The following AP2B1 variants were observed in gnomAD, a reference collection of about 807,000 sequenced individuals.
The protein encoded by AP2B1 is AP-2 complex subunit beta.
A neutral mutation model predicts 102.0 loss-of-function variants in AP2B1; 23 were observed. The ratio of observed to expected loss-of-function variants is 0.23; its 90% confidence interval spans 0.16 to 0.32. AP2B1 has a LOEUF of 0.32. Among genes scored for constraint, AP2B1 ranks in the 10% least tolerant of loss-of-function variants. The pLI is 1.00. For missense variants in AP2B1, 541 were observed against 1,157.4 expected (o/e 0.47, Z 7.73); for synonymous variants, 381 against 421.2 (o/e 0.90, Z 1.17).
intron 21 of AP2B1, among the ~76,000 whole-genome samples, chr17:35,719,037 G>A (rs2085274337): frequency 6.6e-6 from 1 of 151,962 alleles, no homozygotes; most frequent in South Asian, 2.1e-4. Flanking sequence ...AACATAGTTT[G>A]TTAAAATTTT....
At chr17:35,616,500 A>C (rs1031112281) in intron 5 of AP2B1, among the ~76,000 whole-genome samples, 3 of 152,134 alleles carry the variant, frequency 2.0e-5, no homozygotes, top group Admixed American at 2.0e-4. Flanking sequence ...AACAATTTTA[A>C]ATTTACAGAA....
chr17:35,618,545 A>T (rs1361749990), intron 5 of AP2B1, among the ~76,000 whole-genome samples: 1 of 152,336 alleles, frequency 6.6e-6, no homozygotes, highest in South Asian at 2.1e-4. Flanking sequence ...AAGTCACTGA[A>T]CTGGAAAGTG....
chr17:35,642,070 T>C, intron 12 of AP2B1, 95 bp downstream of exon 12: 2 of 884,296 alleles, frequency 2.3e-6, no homozygotes, highest in South Asian at 3.2e-5. Flanking sequence ...TGGGGAAGCT[T>C]TATTTGAAGG....
At chr17:35,658,230 T>C (rs975156638) in intron 14 of AP2B1, among the ~76,000 whole-genome samples, 1 of 152,010 alleles carries the variant, frequency 6.6e-6, no homozygotes, top group Non-Finnish European at 1.5e-5. Context: ...TTTTATTTAC[T>C]TATGCCCTAA....
At chr17:35,704,927 A>G (rs1044166974) in intron 18 of AP2B1, among the ~76,000 whole-genome samples, 2 of 152,144 alleles carry the variant, frequency 1.3e-5, no homozygotes, top group Non-Finnish European at 2.9e-5. Flanking sequence ...GCTACTCAGG[A>G]GGCTGAGGCA....
At chr17:35,623,362 G>A (rs554074391) in intron 5 of AP2B1, among the ~76,000 whole-genome samples, 9 of 151,974 alleles carry the variant, frequency 5.9e-5, no homozygotes, top group East Asian at 1.9e-4. Context: ...TCAGGGGTTC[G>A]AGACCAGCCT....
At chr17:35,688,641 C>G (rs2075982897) in intron 18 of AP2B1, among the ~76,000 whole-genome samples, 1 of 152,096 alleles carries the variant, frequency 6.6e-6, no homozygotes, top group Non-Finnish European at 1.5e-5. Context: ...ATTTTCCATC[C>G]CTTTTTCCTT....
Position 35,667,309 on chromosome 17 carries a change from T to C in AP2B1, c.1990-3548T>C, listed in dbSNP as rs2075489139. Among the ~76,000 whole-genome samples, 3 of 152,306 alleles carry C rather than the reference T, an allele frequency of 2.0e-5. No individual in the cohort carries two copies. In the South Asian group the frequency reaches 6.2e-4, roughly 32 times the overall value. On this transcript the variant is annotated intron_variant, in intron 14 of 21. Coordinates refer to ENST00000610402, the MANE Select transcript of AP2B1 (RefSeq NM_001030006.2). Reference sequence around the variant, plus strand: ...GTAGTCTTGCTAGTTAGAAAACATGTATAGTATTGAAATTGTCCTTTCCCT... The same window carrying C: ...GTAGTCTTGCTAGTTAGAAAACATGCATAGTATTGAAATTGTCCTTTCCCT...
intron 3 of AP2B1, among the ~76,000 whole-genome samples, chr17:35,605,015 C>G (rs1444008878): frequency 6.6e-6 from 1 of 152,128 alleles, no homozygotes; most frequent in African/African-American, 2.4e-5. Context: ...TCTCGACCTC[C>G]TGCTTCAGCC....
chr17:35,649,925 C>T (rs757639605), intron 12 of AP2B1, among the ~76,000 whole-genome samples: 3 of 151,914 alleles, frequency 2.0e-5, no homozygotes, highest in African/African-American at 4.8e-5. Context: ...CTCTACACCC[C>T]GCCCTGATAA....
At chr17:35,722,039 G>A (rs1175281533) in intron 21 of AP2B1, among the ~76,000 whole-genome samples, 8 of 152,022 alleles carry the variant, frequency 5.3e-5, no homozygotes, top group African/African-American at 9.7e-5. Flanking sequence ...TCAAGAGTTC[G>A]AGACCAGCCT....
At chr17:35,592,071 T>C (rs2073118233) in intron 1 of AP2B1, among the ~76,000 whole-genome samples, 1 of 152,208 alleles carries the variant, frequency 6.6e-6, no homozygotes, top group South Asian at 2.1e-4. Flanking sequence ...TAGCACGTTT[T>C]AGAGATCAGA....
chr17:35,607,774 C>CTT (rs35128360), intron 4 of AP2B1: 158 of 123,548 alleles, frequency 1.3e-3, no homozygotes, highest in African/African-American at 2.9e-3. Flanking sequence ...TACAGCTCCT[C>CTT]TTTTTTTTTT....
At chr17:35,680,703 T>TG (rs1490067319) in intron 17 of AP2B1, among the ~76,000 whole-genome samples, 33 of 148,068 alleles carry the variant, frequency 2.2e-4, no homozygotes, top group African/African-American at 6.3e-4. Flanking sequence ...TTTTTTTGTT[T>TG]TTTTTTTTTT....
intron 4 of AP2B1, chr17:35,607,897 T>C: frequency 2.1e-6 from 1 of 474,236 alleles, no homozygotes. Flanking sequence ...GGCACTAGAG[T>C]GAATCCTGCT....
intron 17 of AP2B1, among the ~76,000 whole-genome samples, chr17:35,680,686 G>T (rs4795084): frequency 3.8e-3 from 226 of 59,878 alleles, no homozygotes; most frequent in African/African-American, 0.016. Flanking sequence ...TATGGTTTTG[G>T]TTTTTTTTTT....
At chr17:35,640,913 A>G (rs73990222) in intron 11 of AP2B1, among the ~76,000 whole-genome samples, 6,782 of 152,300 alleles carry the variant, frequency 0.045, 182 homozygotes, top group African/African-American at 0.07. Flanking sequence ...TCTTTGGATG[A>G]AAATTCTGAG....
chr17:35,650,192 C>T (rs1302452405), intron 12 of AP2B1, among the ~76,000 whole-genome samples: 1 of 152,112 alleles, frequency 6.6e-6, no homozygotes, highest in East Asian at 1.9e-4. Flanking sequence ...TCAAGCGATC[C>T]GTCCACCTTG....
At chr17:35,625,401 TC>T (rs1165815916) in intron 6 of AP2B1, among the ~76,000 whole-genome samples, 1 of 152,206 alleles carries the variant, frequency 6.6e-6, no homozygotes, top group Non-Finnish European at 1.5e-5. Flanking sequence ...TAAAGCTCAC[TC>T]TGATAGTTTC....
Sources: gnomAD v4.1 joint callset for allele counts (sites outside exome capture counted in the v4.1 genomes callset) on GRCh38, gnomAD v4.1.1 for gene constraint, MANE v1.5 for transcripts, NCBI Gene and HGNC (gene_info 2026-07-23, HGNC 2026-07-21) for gene names.